Variants in ELOA observed in about 807,000 individuals in gnomAD.
ELOA encodes the protein elongin-A.
A neutral mutation model predicts 85.2 loss-of-function variants in ELOA; 15 were observed. The observed-to-expected ratio is 0.18, with a 90% CI of 0.12 to 0.27. The LOEUF (loss-of-function observed/expected upper bound fraction) is 0.27, where lower values mean the gene tolerates loss of function less well. Among genes scored for constraint, ELOA ranks in the 10% least tolerant of loss-of-function variants. The pLI is 1.00. For synonymous variants in ELOA, 348 were observed against 357.2 expected (o/e 0.97, Z 0.29); for missense variants, 769 against 952.7 (o/e 0.81, Z 2.54).
At chr1:23,756,081 C>T (rs1020740855) in intron 8 of ELOA, 58 bp downstream of exon 8, 2 of 1,581,254 alleles carry the variant, frequency 1.3e-6, no homozygotes, top group Admixed American at 1.8e-5. Flanking sequence ...TGGTCAATAG[C>T]AGGGTGTTGG....
intron 5 of ELOA, 41 bp downstream of exon 5, chr1:23,752,559 T>A: frequency 6.4e-7 from 1 of 1,572,326 alleles, no homozygotes; most frequent in Non-Finnish European, 8.7e-7. Context: ...GGAAAAAGAT[T>A]TAAAAATTCA....
At chr1:23,758,835 G>A (rs750465583) in intron 10 of ELOA, among the ~76,000 whole-genome samples, 1 of 151,942 alleles carries the variant, frequency 6.6e-6, no homozygotes, top group Non-Finnish European at 1.5e-5. Flanking sequence ...TGGACAGATT[G>A]GGGGTAGACG....
chr1:23,756,138 G>A (rs1451510413), intron 8 of ELOA, 115 bp downstream of exon 8: 2 of 1,456,110 alleles, frequency 1.4e-6, no homozygotes, highest in South Asian at 1.4e-5. Flanking sequence ...CAGGTAGCAG[G>A]GTGGGTATTT....
rs1638266192 is a variant in ELOA at position 23,759,817 on chromosome 1, A to T, written c.*244A>T. 1.9e-6 allele frequency: 1 copy of T among 518,704 alleles called. No homozygotes were observed. Among genetic ancestry groups the T allele is most frequent in the African/African-American group, 1.9e-5 (1 of 52,208 alleles). 32.1% of individuals were successfully genotyped at this position (518,704 alleles called of 1,614,324 possible). A position where few individuals can be genotyped will look rare whatever the true frequency, so the allele number is the denominator to read the frequency against. ...TGTCTCACTGAGGATTTTAAAGGTCAATTATACTTTTGTTGTTCATTAGCA... is the reference window on the plus strand; with the variant it reads ...TGTCTCACTGAGGATTTTAAAGGTCTATTATACTTTTGTTGTTCATTAGCA... On this transcript the variant is annotated 3_prime_UTR_variant, in exon 11 of 11. Coordinates refer to ENST00000613537, the MANE Select transcript of ELOA (RefSeq NM_003198.3).
In ELOA at chr1:23,759,750, C is replaced by G; in HGVS notation, c.*177C>G. 2 of 623,818 alleles carry G rather than the reference C, an allele frequency of 3.2e-6. No homozygotes were observed. The allele number at this position is 623,818 out of a possible 1,614,324, so 38.6% of individuals were successfully genotyped here. A position where few individuals can be genotyped will look rare whatever the true frequency, so the allele number is the denominator to read the frequency against. On this transcript the variant is annotated 3_prime_UTR_variant, in exon 11 of 11. Coordinates refer to ENST00000613537, the MANE Select transcript of ELOA (RefSeq NM_003198.3). Reference sequence around the variant, plus strand: ...ACCTGCGTGCCACAGCCCCGCCTCCCTGCCTGGAGCACACTTTAGAATTCT... The same window carrying G: ...ACCTGCGTGCCACAGCCCCGCCTCCGTGCCTGGAGCACACTTTAGAATTCT...
chr1:23,744,278 C>T (rs1325715301), intron 1 of ELOA: 1 of 152,204 alleles, frequency 6.6e-6, no homozygotes, highest in Non-Finnish European at 1.5e-5. Flanking sequence ...AAGGTAAGAG[C>T]TACCGTTTCT....
intron 1 of ELOA, among the ~76,000 whole-genome samples, chr1:23,748,765 T>C (rs985880737): frequency 6.6e-6 from 1 of 152,170 alleles, no homozygotes; most frequent in African/African-American, 2.4e-5. Flanking sequence ...TTCCCCTTGG[T>C]GTAGCACAGT....
chr1:23,759,000 G>A (rs148640122), intron 10 of ELOA, among the ~76,000 whole-genome samples: 2 of 152,264 alleles, frequency 1.3e-5, no homozygotes, highest in African/African-American at 4.8e-5. Context: ...GAGCCCAGGA[G>A]ATCGAGACCA....
Position 23,750,908 on chromosome 1 carries a change from C to G in ELOA, c.303C>G (p.Ala101=). ...KSNSRKRPRD[A]LQKEEEMEGD... is the part of the protein sequence containing the mutation. ...ATTCCCGAAAGCGCCCTCGGGATGC[C>G]CTGCAGAAGGAGGAGGAGATGGAGG... is the stretch of plus-strand genomic sequence containing the variant. The change falls in exon 4 of 11, where the codon GCC becomes GCG. Residue 101 remains alanine (A), a synonymous_variant. Transcript: ENST00000613537. The G allele has an allele frequency of 1.2e-6, 2 of 1,613,130 alleles. No homozygotes were observed. Among genetic ancestry groups the G allele is most frequent in the East Asian group, 4.5e-5 (2 of 44,872 alleles).
intron 3 of ELOA, among the ~76,000 whole-genome samples, chr1:23,750,169 T>TC (rs202076136): frequency 2.2e-3 from 261 of 118,146 alleles, no homozygotes; most frequent in Non-Finnish European, 3.4e-3. Flanking sequence ...TTGGTACGTT[T>TC]CTTTTTTTTT....
At chr1:23,756,876 C>A (rs1363233897) in intron 9 of ELOA, 77 bp from the exon 10 acceptor site, 1 of 1,387,668 alleles carries the variant, frequency 7.2e-7, no homozygotes, top group South Asian at 1.9e-5. Context: ...CATCCTCACA[C>A]AGGCCAGCTT....
In ELOA at chr1:23,754,324, G is replaced by A. The variant is rs923819143; in HGVS notation, c.1694-39G>A. On this transcript the variant is annotated intron_variant, in intron 6 of 10. Coordinates refer to ENST00000613537, the MANE Select transcript of ELOA (RefSeq NM_003198.3). ...CTTGGACCTTATCACTGGGTGGCTTGGCTGCTACTCAGTGTCTTCACCTTT... is the reference window on the plus strand; with the variant it reads ...CTTGGACCTTATCACTGGGTGGCTTAGCTGCTACTCAGTGTCTTCACCTTT... 5.0e-6 allele frequency: 8 copies of A among 1,613,760 alleles called. No homozygotes were observed. The Admixed American group carries it at 1.3e-4, about 27-fold the overall frequency.
chr1:23,751,717 C>T lies in ELOA; in HGVS notation c.1112C>T (p.Thr371Ile), dbSNP rs1249744423. The change falls in exon 4 of 11, where the codon ACT becomes ATT. Residue 371 changes from threonine (T) to isoleucine (I), a missense_variant. Coordinates refer to ENST00000613537, the MANE Select transcript of ELOA (RefSeq NM_003198.3). The stretch of plus-strand genomic sequence containing the variant: ...GAGAAGGGTTCTAACAACCTAAAGA[C>T]TCCAGAAGGGAAAGTCAAAACTAAT... ...VKEKGSNNLKTPEGKVKTNLD... is the reference protein window; with the variant it reads ...VKEKGSNNLKIPEGKVKTNLD... The T allele has an allele frequency of 6.2e-7, 1 of 1,614,056 alleles. No individual in the cohort carries two copies. The highest frequency in any genetic ancestry group is 1.3e-5 in the African/African-American group (1 of 74,912).
At position 23,752,484 on chromosome 1, in the gene ELOA, C is replaced by T. The variant is rs780345953; in HGVS notation, c.1503C>T (p.Leu501=). ...IQANYRPLPS[L]ELISSFQPKR... is the part of the protein sequence containing the mutation. ...CCAATTACCGTCCACTGCCTTCCCTCGAGCTGATATCCTCCTTCCAGCCAA... is the reference window on the plus strand; with the variant it reads ...CCAATTACCGTCCACTGCCTTCCCTTGAGCTGATATCCTCCTTCCAGCCAA... The change falls in exon 5 of 11, where the codon CTC becomes CTT. Residue 501 remains leucine, a synonymous_variant. Transcript: ENST00000613537. 6.8e-5 allele frequency: 109 copies of T among 1,613,982 alleles called. No individual in the cohort carries two copies. Among genetic ancestry groups the T allele is most frequent in the African/African-American group, 9.3e-5 (7 of 74,940 alleles).
At chr1:23,756,211 T>C in intron 8 of ELOA, 63 bp from the exon 9 acceptor site, 1 of 1,483,194 alleles carries the variant, frequency 6.7e-7, no homozygotes, top group Non-Finnish European at 9.0e-7. Context: ...AGCCCGTGGA[T>C]TATTTAAATA....
intron 1 of ELOA, among the ~76,000 whole-genome samples, chr1:23,746,631 A>G (rs1023625291): frequency 7.1e-6 from 1 of 140,006 alleles, no homozygotes; most frequent in Non-Finnish European, 1.5e-5. Flanking sequence ...AAAAAAAAAA[A>G]GGATCCTCGT....
At chr1:23,747,095 C>G (rs1239006055) in intron 1 of ELOA, among the ~76,000 whole-genome samples, 1 of 152,200 alleles carries the variant, frequency 6.6e-6, no homozygotes, top group African/African-American at 2.4e-5. Flanking sequence ...AACACACCCA[C>G]AGTGACTTCC....
At chr1:23,754,309 A>G (rs1644785408) in intron 6 of ELOA, 54 bp downstream of exon 6, 1 of 1,614,102 alleles carries the variant, frequency 6.2e-7, no homozygotes, top group East Asian at 2.2e-5. Flanking sequence ...CTTGGACCTT[A>G]TCACTGGGTG....
chr1:23,743,701 G>A (rs527828857), intron 1 of ELOA, 123 bp downstream of exon 1: 2 of 1,197,054 alleles, frequency 1.7e-6, no homozygotes, highest in South Asian at 4.1e-5. Flanking sequence ...GCGGGGCTGG[G>A]GTCGTGAAGT....
Sources: gnomAD v4.1 joint callset for allele counts (sites outside exome capture counted in the v4.1 genomes callset) on GRCh38, gnomAD v4.1.1 for gene constraint, MANE v1.5 for transcripts, NCBI Gene and HGNC (gene_info 2026-07-23, HGNC 2026-07-21) for gene names.